Variants in PRKCQ observed in about 807,000 individuals in gnomAD.
PRKCQ encodes protein kinase C theta type.
Under a neutral mutation model 91.2 loss-of-function variants are expected in PRKCQ, and 41 were observed. The observed-to-expected ratio is 0.45, with a 90% confidence interval of 0.35 to 0.58. PRKCQ has a LOEUF of 0.58. Ranked by LOEUF, PRKCQ falls within the 20% of genes least tolerant of loss-of-function variation. The pLI, the probability that PRKCQ is intolerant of heterozygous loss-of-function variation, is 0.00. For synonymous variants in PRKCQ, 307 were observed against 316.9 expected (o/e 0.97, Z 0.33); for missense variants, 673 against 896.5 (o/e 0.75, Z 3.18).
chr10:6,566,391 G>A (rs1840837795), intron 1 of PRKCQ, among the ~76,000 whole-genome samples: 1 of 152,134 alleles, frequency 6.6e-6, no homozygotes, highest in African/African-American at 2.4e-5. Context: ...AGCTGTCCAG[G>A]TGAAATCCTG....
At position 6,576,382 on chromosome 10, in the gene PRKCQ, T is replaced by C. The variant is rs1262821701; in HGVS notation, c.-10+3829A>G. Among the ~76,000 whole-genome samples the C allele has an allele frequency of 2.6e-5, 4 of 152,194 alleles. No individual in the cohort carries two copies. The highest frequency in any genetic ancestry group is 7.2e-5 in the African/African-American group (3 of 41,448). On this transcript the variant is annotated intron_variant, in intron 1 of 17. Coordinates refer to ENST00000263125, the MANE Select transcript of PRKCQ (RefSeq NM_006257.5). The surrounding 1 kb of genome is among the most constrained non-coding windows in gnomAD (Gnocchi z 4.2). Reference sequence around the variant, plus strand: ...TATTCAGACTTAAAAAGGAAGGAAGTCCTGTCCAATGCTGTCACATGGATA... The same window carrying C: ...TATTCAGACTTAAAAAGGAAGGAAGCCCTGTCCAATGCTGTCACATGGATA...
chr10:6,475,061 C>T (rs746614559), intron 12 of PRKCQ, among the ~76,000 whole-genome samples: 7 of 152,180 alleles, frequency 4.6e-5, no homozygotes, highest in Non-Finnish European at 7.3e-5. Context: ...TGCTGATCTA[C>T]GTTAGACCCT....
intron 1 of PRKCQ, among the ~76,000 whole-genome samples, chr10:6,546,929 T>G (rs1839973739): frequency 1.3e-5 from 2 of 152,168 alleles, no homozygotes; most frequent in South Asian, 4.1e-4. Context: ...TTATTGAGAG[T>G]TTTTAGCATG....
downstream of PRKCQ, among the ~76,000 whole-genome samples, chr10:6,422,322 C>T (rs1460927644): frequency 6.6e-6 from 1 of 151,976 alleles, no homozygotes; most frequent in Non-Finnish European, 1.5e-5. Context: ...ATTTTTTGGT[C>T]CTCATTTTAG....
chr10:6,411,903 T>C, the PRKCQ span, among the ~76,000 whole-genome samples: 1 of 152,328 alleles, frequency 6.6e-6, no homozygotes, highest in South Asian at 2.1e-4. Flanking sequence ...ATAACACTTA[T>C]TTGTTTACTA....
At chr10:6,401,645 G>A in the PRKCQ span, among the ~76,000 whole-genome samples, 15 of 152,134 alleles carry the variant, frequency 9.9e-5, no homozygotes, top group African/African-American at 3.6e-4. Context: ...GAGGATTGCG[G>A]GGCCAGGGCA....
At chr10:6,443,041 T>C (rs1173729503) in intron 15 of PRKCQ, among the ~76,000 whole-genome samples, 1 of 151,978 alleles carries the variant, frequency 6.6e-6, no homozygotes, top group Non-Finnish European at 1.5e-5. Flanking sequence ...GATAGCGGGG[T>C]CTGAGTCTAT....
intron 7 of PRKCQ, 92 bp downstream of exon 7, chr10:6,496,943 A>G (rs1250695606): frequency 8.7e-7 from 1 of 1,149,728 alleles, no homozygotes; most frequent in Non-Finnish European, 1.3e-6. Context: ...GGAGGATGCA[A>G]GTTCTGGCAT....
At chr10:6,433,948 T>C (rs1286828677) in intron 16 of PRKCQ, among the ~76,000 whole-genome samples, 1 of 150,312 alleles carries the variant, frequency 6.7e-6, no homozygotes, top group Non-Finnish European at 1.5e-5. Flanking sequence ...GGAGAATCAT[T>C]TGAACCTGGG....
intron 15 of PRKCQ, among the ~76,000 whole-genome samples, chr10:6,453,927 G>T (rs979401217): frequency 5.3e-5 from 8 of 151,962 alleles, no homozygotes; most frequent in Non-Finnish European, 1.0e-4. Flanking sequence ...GTTGTGGGGT[G>T]GGGGGAGCGG....
intron 12 of PRKCQ, among the ~76,000 whole-genome samples, chr10:6,472,110 T>C (rs774219062): frequency 7.8e-4 from 119 of 152,082 alleles, no homozygotes; most frequent in Admixed American, 7.9e-4. Flanking sequence ...AGATTGAGAC[T>C]ATCCTGGCTA....
At chr10:6,574,985 A>T (rs143301327) in intron 1 of PRKCQ, among the ~76,000 whole-genome samples, 1 of 152,150 alleles carries the variant, frequency 6.6e-6, no homozygotes, top group Non-Finnish European at 1.5e-5. Context: ...CATTCTGCAC[A>T]TATTTGTTCA....
At chr10:6,518,499 C>T (rs1274977302) in intron 1 of PRKCQ, among the ~76,000 whole-genome samples, 1 of 151,952 alleles carries the variant, frequency 6.6e-6, no homozygotes, top group African/African-American at 2.4e-5. Flanking sequence ...CTAATTTAAG[C>T]TGTAAAAAGA....
chr10:6,513,082 C>T (rs953883404), intron 2 of PRKCQ, among the ~76,000 whole-genome samples: 12 of 152,276 alleles, frequency 7.9e-5, no homozygotes, highest in African/African-American at 2.9e-4. Flanking sequence ...TTTACATTTT[C>T]ATTCGCCACG....
chr10:6,539,307 A>G (rs1371176044), intron 1 of PRKCQ, among the ~76,000 whole-genome samples: 1 of 152,138 alleles, frequency 6.6e-6, no homozygotes, highest in East Asian at 1.9e-4. Context: ...CAGGCCATGG[A>G]CCAGTGGTGG....
At chr10:6,515,179 G>A in intron 1 of PRKCQ, 35 bp from the exon 2 acceptor site, 3 of 1,609,074 alleles carry the variant, frequency 1.9e-6, no homozygotes, top group South Asian at 1.1e-5. Context: ...CTGTTTGGGG[G>A]CTATAAAAGA....
intron 13 of PRKCQ, among the ~76,000 whole-genome samples, 194 bp downstream of exon 13, chr10:6,464,119 T>C (rs575376460): frequency 1.1e-4 from 16 of 152,264 alleles, no homozygotes; most frequent in South Asian, 6.2e-4. Flanking sequence ...TAGTTTTAAA[T>C]CACAGAGAAA....
chr10:6,546,772 A>G (rs959688468), intron 1 of PRKCQ, among the ~76,000 whole-genome samples: 1 of 152,106 alleles, frequency 6.6e-6, no homozygotes, highest in African/African-American at 2.4e-5. Flanking sequence ...CACTATGTTG[A>G]ATAGGAGTGG....
At chr10:6,489,278 T>C (rs543977672) in intron 8 of PRKCQ, 26 of 463,036 alleles carry the variant, frequency 5.6e-5, no homozygotes, top group Non-Finnish European at 9.0e-5. Context: ...CATAGAGGGA[T>C]GGAGTTTTAC....
Sources: gnomAD v4.1 joint callset for allele counts (sites outside exome capture counted in the v4.1 genomes callset) on GRCh38, gnomAD v4.1.1 for gene constraint, Gnocchi (gnomAD v3.1) non-coding constraint, MANE v1.5 for transcripts, NCBI Gene and HGNC (gene_info 2026-07-23, HGNC 2026-07-21) for gene names.